Variants in SLFN12L observed in about 807,000 individuals in gnomAD.
SLFN12L encodes schlafen family member 12-like.
Under a neutral mutation model 34.8 loss-of-function variants are expected in SLFN12L, and 34 were observed. That is an observed-to-expected ratio of 0.98 (90% CI 0.74 to 1.30). The LOEUF (loss-of-function observed/expected upper bound fraction) is 1.30, where lower values mean the gene tolerates loss of function less well. Among genes scored for constraint, SLFN12L ranks in the 50% most tolerant of loss-of-function variants. The probability of loss-of-function intolerance (pLI) is 0.00; values close to 1 mark genes in which losing one functional copy is unlikely to be tolerated. For missense variants in SLFN12L, 703 were observed against 696.2 expected, an observed-to-expected ratio of 1.01 and a Z score of -0.11; for synonymous variants, 259 against 247.5, an observed-to-expected ratio of 1.05 and a Z score of -0.44.
chr17:35,478,304 C>A, intron 3 of SLFN12L, 119 bp from the exon 4 acceptor site: 1 of 624,832 alleles, frequency 1.6e-6, no homozygotes, highest in Non-Finnish European at 2.8e-6. Flanking sequence ...ATTCCCAATA[C>A]AGAACATTAG....
intron 2 of SLFN12L, among the ~76,000 whole-genome samples, chr17:35,501,626 C>T (rs573921610): frequency 2.0e-5 from 3 of 152,170 alleles, no homozygotes; most frequent in African/African-American, 7.2e-5. Context: ...AAGCATGGGT[C>T]AGGCACAAAG....
intron 2 of SLFN12L, chr17:35,499,701 G>A (rs7221374): frequency 0.58 from 152,307 of 261,180 alleles, 49,684 homozygotes; most frequent in Non-Finnish European, 0.69. Context: ...AGGCCAGTCC[G>A]TATCCTGTGG....
chr17:35,483,861 G>A (rs140658322), intron 2 of SLFN12L, among the ~76,000 whole-genome samples: 3 of 152,274 alleles, frequency 2.0e-5, no homozygotes, highest in African/African-American at 4.8e-5. Flanking sequence ...CAGATACTCA[G>A]CTAAGGTTGT....
chr17:35,491,773 G>A (rs549641785), intron 2 of SLFN12L, among the ~76,000 whole-genome samples: 1 of 152,316 alleles, frequency 6.6e-6, no homozygotes, highest in East Asian at 1.9e-4. Flanking sequence ...GCTCTTCTTA[G>A]GAATATTCAA....
chr17:35,530,525 A>AG (rs2072399292), intron 1 of SLFN12L, among the ~76,000 whole-genome samples: 1 of 48,478 alleles, frequency 2.1e-5, no homozygotes, highest in African/African-American at 5.8e-5. Flanking sequence ...AAGAAAAGAA[A>AG]AGAAAAGAAA....
chr17:35,504,754 C>G (rs1395883000), intron 2 of SLFN12L, among the ~76,000 whole-genome samples: 1 of 152,220 alleles, frequency 6.6e-6, no homozygotes, highest in Non-Finnish European at 1.5e-5. Context: ...TCTCTCACGA[C>G]AGGGAGGAAA....
rs1338860860 is a variant in SLFN12L at position 35,487,583 on chromosome 17, G to T, written c.87-7388C>A. 2.5e-5 allele frequency: 20 copies of T among 785,780 alleles called. No individual in the cohort carries two copies. In the East Asian group the frequency reaches 5.2e-4, roughly 20 times the overall value. 48.7% of individuals were successfully genotyped at this position (785,780 alleles called of 1,614,324 possible). ...AAACAGGATTCCTTGCAGGCGCTGTGCCAGCGCGGGCCCTTAAGCAACTGA... is the reference window on the plus strand; with the variant it reads ...AAACAGGATTCCTTGCAGGCGCTGTTCCAGCGCGGGCCCTTAAGCAACTGA... On this transcript the variant is annotated intron_variant, in intron 2 of 4. Transcript: ENST00000628453.
intron 1 of SLFN12L, among the ~76,000 whole-genome samples, chr17:35,530,430 GGAAGGGAAGGGAAGAAAGAAAGAAAGAAA>G (rs2072388616): frequency 1.1e-4 from 1 of 9,126 alleles, no homozygotes; most frequent in Non-Finnish European, 2.1e-4. Flanking sequence ...AGGAAGGAAG[GGAAGGGAAGGGAAGAAAGAAAGAAAGAAA>G]GAAAGAAAGA....
At chr17:35,500,728 CAA>C (rs35924671) in intron 2 of SLFN12L, among the ~76,000 whole-genome samples, 2,579 of 132,612 alleles carry the variant, frequency 0.019, 90 homozygotes, top group African/African-American at 0.065. Context: ...GACTCTGTCT[CAA>C]AAAAAAAAAA....
Position 35,523,234 on chromosome 17 carries a change from C to T in SLFN12L, c.-605-265G>A, listed in dbSNP as rs1033319415. Among the ~76,000 whole-genome samples the T allele has an allele frequency of 4.6e-5, 7 of 152,270 alleles. 1 individual carries two copies. The South Asian group carries it at 1.5e-3, about 32-fold the overall frequency. On this transcript the variant is annotated intron_variant, in intron 1 of 4. Coordinates refer to ENST00000628453, the MANE Select transcript of SLFN12L (RefSeq NM_001363830.2). ...ATTTGTAAAACAAAACTAAGAATAG[C>T]ACATTTCCTATGGAGAGGAATAAAT... is the stretch of plus-strand genomic sequence containing the variant.
intron 2 of SLFN12L, among the ~76,000 whole-genome samples, chr17:35,519,298 T>TGA (rs1915931302): frequency 1.3e-5 from 2 of 152,288 alleles, no homozygotes; most frequent in East Asian, 1.9e-4. Flanking sequence ...ATGGCACATG[T>TGA]ATACCTATGT....
rs554853509 is a variant in SLFN12L at position 35,522,772 on chromosome 17, A to G, written c.-408T>C. On this transcript the variant is annotated 5_prime_UTR_variant, in exon 2 of 5. Coordinates refer to ENST00000628453, the MANE Select transcript of SLFN12L (RefSeq NM_001363830.2). ...GTCCTGGCCCTGCCAGGGCTGTTCT[A>G]TGCTATCAGCAGAGCATCACAGATG... 2.1e-5 allele frequency: 34 copies of G among 1,590,960 alleles called. No homozygotes were observed. The East Asian group carries it at 3.1e-4, about 15-fold the overall frequency.
At chr17:35,509,699 G>A (rs1049851242) in intron 2 of SLFN12L, among the ~76,000 whole-genome samples, 1 of 151,780 alleles carries the variant, frequency 6.6e-6, no homozygotes, top group East Asian at 1.9e-4. Flanking sequence ...TAAAAAAAGA[G>A]ACTCTTTTTT....
chr17:35,537,058 A>G (rs962625580), intron 1 of SLFN12L, among the ~76,000 whole-genome samples: 3 of 152,066 alleles, frequency 2.0e-5, no homozygotes, highest in Admixed American at 6.6e-5. Flanking sequence ...CAGTGCCTGT[A>G]GTCCCCGCAC....
chr17:35,491,043 C>A (rs559193575), intron 2 of SLFN12L: 2 of 786,010 alleles, frequency 2.5e-6, no homozygotes, highest in South Asian at 2.7e-5. Context: ...CAGCAGACTG[C>A]GGACCAAATT....
Position 35,467,568 on chromosome 17 carries a change from G to T in SLFN12L, c.*7355C>A, listed in dbSNP as rs938359951. 6.6e-6 allele frequency among the ~76,000 whole-genome samples: 1 copy of T among 152,184 alleles called. No individual in the cohort carries two copies. Among genetic ancestry groups the T allele is most frequent in the Admixed American group, 6.5e-5 (1 of 15,288 alleles). On this transcript the variant is annotated 3_prime_UTR_variant, in exon 5 of 5. Coordinates refer to ENST00000628453, the MANE Select transcript of SLFN12L (RefSeq NM_001363830.2). ...TCCCAAATAGCCAGTTTAACAGAGA[G>T]ACATAAGAGTCTCCCCAAACAACTT...
At chr17:35,491,843 A>T (rs1258683847) in intron 2 of SLFN12L, among the ~76,000 whole-genome samples, 1 of 152,232 alleles carries the variant, frequency 6.6e-6, no homozygotes, top group East Asian at 1.9e-4. Flanking sequence ...GGTCAAGAAG[A>T]TCTCCACAGG....
rs995241987 is a variant in SLFN12L at position 35,479,281 on chromosome 17, A to T, written c.1001T>A (p.Val334Glu). Residue 334 changes from valine to glutamate, a missense_variant, in exon 3 of 5, where the codon GTA becomes GAA. By Grantham distance (121) the Val-to-Glu change is moderately radical. Coordinates refer to ENST00000628453, the MANE Select transcript of SLFN12L (RefSeq NM_001363830.2). The part of the protein sequence containing the change: ...TINYLCKFLG[V>E]YDKGRLCGYV... ...TCCACAAAGCCTTCCTTTATCATAT[A>T]CTCCAAGGAATTTGCATAAGTAATT... is the stretch of plus-strand genomic sequence containing the variant. The T allele has an allele frequency of 1.2e-4, 186 of 1,590,788 alleles. No homozygotes were observed. Among genetic ancestry groups the T allele is most frequent in the Non-Finnish European group, 1.3e-4 (152 of 1,167,114 alleles).
At chr17:35,530,653 T>C (rs1380137104) in intron 1 of SLFN12L, among the ~76,000 whole-genome samples, 1 of 151,826 alleles carries the variant, frequency 6.6e-6, no homozygotes, top group Admixed American at 6.6e-5. Context: ...ATCTGACAAA[T>C]GGAGTAAAAG....
Sources: gnomAD v4.1 joint callset for allele counts (sites outside exome capture counted in the v4.1 genomes callset) on GRCh38, gnomAD v4.1.1 for gene constraint, MANE v1.5 for transcripts, NCBI Gene and HGNC (gene_info 2026-07-23, HGNC 2026-07-21) for gene names.